The following ARID4B variants were observed in gnomAD, a reference collection of about 807,000 sequenced individuals.
The protein encoded by ARID4B is AT-rich interaction domain 4B, also known as AT-rich interactive domain-containing protein 4B.
ARID4B carries 26 observed loss-of-function variants against 147.5 expected under a neutral mutation model. That is an observed-to-expected ratio of 0.18 (90% confidence interval 0.13 to 0.24). The LOEUF is 0.24. ARID4B is among the 10% of genes least tolerant of loss of function. The pLI, the probability that ARID4B is intolerant of heterozygous loss-of-function variation, is 1.00. For missense variants in ARID4B, 1,179 were observed against 1,511.5 expected, an observed-to-expected ratio of 0.78 and a Z score of 3.65; for synonymous variants, 512 against 507.9, an observed-to-expected ratio of 1.01 and a Z score of -0.11.
chr1:235,319,085 T>G (rs548614300), intron 2 of ARID4B, among the ~76,000 whole-genome samples: 8 of 152,138 alleles, frequency 5.3e-5, no homozygotes, highest in African/African-American at 1.7e-4. Context: ...CCACAAGAGT[T>G]CAAGGCCAGC....
At chr1:235,234,370 A>AT (rs1558230848) in intron 9 of ARID4B, 43 bp downstream of exon 9, 1 of 1,256,380 alleles carries the variant, frequency 8.0e-7, no homozygotes, top group Non-Finnish European at 1.1e-6. Context: ...ATAACAGCAT[A>AT]TATTTATAAA....
chr1:235,198,724 A>G (rs1481942789), intron 17 of ARID4B, among the ~76,000 whole-genome samples: 1 of 152,226 alleles, frequency 6.6e-6, no homozygotes. Flanking sequence ...ACAAAAATAA[A>G]TTCTTAAATT....
rs1558214495 is a variant in ARID4B, at chr1:235,219,778, AAACAATT to A, written c.1583+8_1583+14del. Reference sequence around the variant, plus strand: ...TCAAGCTGAAATGCATCGTAACCAAAAACAATTTTCTTACCCAGATTTTGCTTTTTCT... The same window carrying A: ...TCAAGCTGAAATGCATCGTAACCAAATTCTTACCCAGATTTTGCTTTTTCT... On this transcript the variant is annotated splice_region_variant and intron_variant, in intron 16 of 23. Coordinates refer to ENST00000264183, the MANE Select transcript of ARID4B (RefSeq NM_016374.6). 1 of 1,583,432 alleles carries A rather than the reference AAACAATT, an allele frequency of 6.3e-7. No homozygotes were observed. Among genetic ancestry groups the A allele is most frequent in the Non-Finnish European group, 8.6e-7 (1 of 1,168,604 alleles).
chr1:235,193,267 T>C (rs1226279865), intron 19 of ARID4B, among the ~76,000 whole-genome samples: 1 of 152,088 alleles, frequency 6.6e-6, no homozygotes, highest in Non-Finnish European at 1.5e-5. Flanking sequence ...CATGGTGGCA[T>C]GCGCCTGCAG....
rs1672399561 is a variant in ARID4B at position 235,292,451 on chromosome 1, TA to T, written c.7-31700del. On this transcript the variant is annotated intron_variant, in intron 2 of 23. Transcript: ENST00000264183. ...CAACATGGTGAAACCCCATCTCTAC[TA>T]AAAATACAACAAAAGTAGCCAGTTG... is the stretch of plus-strand genomic sequence containing the variant. 4.6e-5 allele frequency among the ~76,000 whole-genome samples: 7 copies of T among 152,094 alleles called. No homozygotes were observed. In the South Asian group the frequency reaches 1.2e-3, roughly 27 times the overall value.
intron 2 of ARID4B, among the ~76,000 whole-genome samples, chr1:235,274,367 C>T (rs1039936915): frequency 1.3e-5 from 2 of 151,410 alleles, no homozygotes; most frequent in Non-Finnish European, 2.9e-5. Context: ...AGTGAGACTC[C>T]GACTCAAAAA....
chr1:235,216,143 A>G (rs1235736922), intron 16 of ARID4B, among the ~76,000 whole-genome samples: 2 of 152,080 alleles, frequency 1.3e-5, no homozygotes, highest in East Asian at 1.9e-4. Flanking sequence ...CGTGTTCACG[A>G]AAGTATCAAA....
chr1:235,318,691 G>A (rs1467441483), intron 2 of ARID4B, among the ~76,000 whole-genome samples: 6 of 152,066 alleles, frequency 3.9e-5, no homozygotes, highest in Admixed American at 6.6e-5. Context: ...GACCAGGCTA[G>A]GGAACATAGT....
At chr1:235,247,390 C>T (rs1307177848) in intron 6 of ARID4B, among the ~76,000 whole-genome samples, 1 of 152,080 alleles carries the variant, frequency 6.6e-6, no homozygotes, top group Non-Finnish European at 1.5e-5. Context: ...AAAATTGAGA[C>T]AATTTTGTTA....
chr1:235,222,367 T>C (rs1057162226), intron 13 of ARID4B, among the ~76,000 whole-genome samples: 38 of 152,316 alleles, frequency 2.5e-4, no homozygotes, highest in African/African-American at 8.7e-4. Flanking sequence ...CTGCAGAAAT[T>C]TGTAAAGTAT....
At chr1:235,213,707 TAAATAG>T (rs777773876) in intron 17 of ARID4B, 56 bp downstream of exon 17, 19 of 1,502,582 alleles carry the variant, frequency 1.3e-5, no homozygotes, top group South Asian at 2.7e-5. Flanking sequence ...CTTAAGTTTT[TAAATAG>T]AAAAGTATTT....
At chr1:235,307,191 C>A (rs1343148223) in intron 2 of ARID4B, among the ~76,000 whole-genome samples, 7 of 152,186 alleles carry the variant, frequency 4.6e-5, no homozygotes, top group Admixed American at 4.6e-4. Flanking sequence ...TGTCTGTAAT[C>A]CCAGTGCTTT....
chr1:235,227,214 G>T (rs1439970771), intron 11 of ARID4B, among the ~76,000 whole-genome samples: 1 of 152,168 alleles, frequency 6.6e-6, no homozygotes, highest in Non-Finnish European at 1.5e-5. Context: ...AAGTTCAAGG[G>T]GGAGGACACA....
At chr1:235,238,855 C>CG (rs145141240) in intron 8 of ARID4B, among the ~76,000 whole-genome samples, 5 of 146,390 alleles carry the variant, frequency 3.4e-5, no homozygotes, top group African/African-American at 1.3e-4. Flanking sequence ...CCTCTGTCTC[C>CG]GGGGAAAAAA....
intron 9 of ARID4B, among the ~76,000 whole-genome samples, chr1:235,233,117 G>GT (rs1240476730): frequency 1.3e-5 from 2 of 152,062 alleles, no homozygotes; most frequent in Non-Finnish European, 2.9e-5. Context: ...GATTACAGGC[G>GT]TGAGCCACCG....
chr1:235,254,514 A>T (rs1261188101), intron 5 of ARID4B, among the ~76,000 whole-genome samples: 19 of 151,950 alleles, frequency 1.3e-4, no homozygotes, highest in Non-Finnish European at 2.8e-4. Context: ...TGAAGAATAC[A>T]TTAGAAAATA....
intron 2 of ARID4B, among the ~76,000 whole-genome samples, chr1:235,299,821 G>A (rs1171761280): frequency 6.6e-6 from 1 of 152,146 alleles, no homozygotes; most frequent in Non-Finnish European, 1.5e-5. Context: ...GTACTATCTT[G>A]CAAAGGATTC....
chr1:235,168,391 A>C lies in ARID4B; in HGVS notation c.*134T>G, dbSNP rs972324747. On this transcript the variant is annotated 3_prime_UTR_variant, in exon 24 of 24. Transcript: ENST00000264183. ...CATAAAAAAGTGCACTTAAGTGCCA[A>C]GTCAGCTTGTCAAGAAACAATTTTT... The C allele has an allele frequency of 9.4e-6, 10 of 1,063,664 alleles. No homozygotes were observed. In the African/African-American group the frequency reaches 1.3e-4, roughly 14 times the overall value. The allele number at this position is 1,063,664 out of a possible 1,614,324, so 65.9% of individuals were successfully genotyped here. A position where few individuals can be genotyped will look rare whatever the true frequency, so the allele number is the denominator to read the frequency against.
At chr1:235,223,936 C>A (rs999188672) in intron 12 of ARID4B, among the ~76,000 whole-genome samples, 4 of 151,894 alleles carry the variant, frequency 2.6e-5, no homozygotes, top group Admixed American at 6.6e-5. Context: ...TTAGGCCAAC[C>A]CTCCATTCAT....
Sources: gnomAD v4.1 joint callset for allele counts (sites outside exome capture counted in the v4.1 genomes callset) on GRCh38, gnomAD v4.1.1 for gene constraint, MANE v1.5 for transcripts, NCBI Gene and HGNC (gene_info 2026-07-23, HGNC 2026-07-21) for gene names.